Variants in TAFA2 observed in about 807,000 individuals in gnomAD.
TAFA2 encodes TAFA chemokine like family member 2, also known as chemokine-like protein TAFA-2.
A neutral mutation model predicts 18.8 loss-of-function variants in TAFA2; 7 were observed. The ratio of observed to expected loss-of-function variants is 0.37; its 90% CI spans 0.21 to 0.70. The LOEUF (loss-of-function observed/expected upper bound fraction) is 0.70. Ranked by LOEUF, TAFA2 falls within the 30% of genes least tolerant of loss-of-function variation. The pLI, the probability that TAFA2 is intolerant of heterozygous loss-of-function variation, is 0.53. For missense variants in TAFA2, 122 were observed against 158.1 expected, an observed-to-expected ratio of 0.77 and a Z score of 1.23; for synonymous variants, 60 against 54.2, an observed-to-expected ratio of 1.11 and a Z score of -0.47.
intron 2 of TAFA2, among the ~76,000 whole-genome samples, chr12:61,823,803 T>G (rs1872421231): frequency 6.6e-6 from 1 of 152,084 alleles, no homozygotes; most frequent in South Asian, 2.1e-4. Flanking sequence ...GCCCATAGAA[T>G]AATACTCACA....
intron 2 of TAFA2, among the ~76,000 whole-genome samples, chr12:61,853,112 T>G (rs1873745939): frequency 6.6e-6 from 1 of 152,196 alleles, no homozygotes; most frequent in Admixed American, 6.5e-5. Flanking sequence ...CTTGTGGTAA[T>G]CATTTCATAA....
intron 1 of TAFA2, among the ~76,000 whole-genome samples, chr12:61,914,660 C>A (rs113514525): frequency 0.03 from 4,519 of 152,194 alleles, 239 homozygotes; most frequent in African/African-American, 0.1. Flanking sequence ...CCTGACATTA[C>A]GTCCTCAAAA....
At chr12:61,873,381 A>C (rs1216487260) in intron 1 of TAFA2, among the ~76,000 whole-genome samples, 1 of 152,034 alleles carries the variant, frequency 6.6e-6, no homozygotes, top group African/African-American at 2.4e-5. Flanking sequence ...TACATGTGCC[A>C]TGCTGGTGTG....
chr12:61,739,345 G>T (rs1868361368), intron 4 of TAFA2, among the ~76,000 whole-genome samples: 1 of 151,926 alleles, frequency 6.6e-6, no homozygotes, highest in Non-Finnish European at 1.5e-5. Context: ...AAAATTACCT[G>T]ATACACCTTG....
At chr12:62,133,552 C>T (rs1235088532) in intron 1 of TAFA2, among the ~76,000 whole-genome samples, 1 of 152,024 alleles carries the variant, frequency 6.6e-6, no homozygotes, top group Non-Finnish European at 1.5e-5. Context: ...ACCTTATCTC[C>T]ATTATGTGAG....
chr12:61,938,984 G>A (rs1877887489), intron 1 of TAFA2, among the ~76,000 whole-genome samples: 1 of 151,636 alleles, frequency 6.6e-6, no homozygotes, highest in South Asian at 2.1e-4. Context: ...CAGGTGGCGG[G>A]TGCACCAAAA....
intron 1 of TAFA2, among the ~76,000 whole-genome samples, chr12:62,135,246 T>C (rs1870849129): frequency 6.6e-6 from 1 of 152,032 alleles, no homozygotes; most frequent in African/African-American, 2.4e-5. Flanking sequence ...GTCAACAACA[T>C]CCTATTGCAA....
At chr12:62,221,202 G>C (rs1339128881) in intron 1 of TAFA2, among the ~76,000 whole-genome samples, 1 of 121,004 alleles carries the variant, frequency 8.3e-6, no homozygotes, top group African/African-American at 3.3e-5. Context: ...AGGAAGGAGG[G>C]AAGGAAGGAA....
chr12:62,026,884 C>T (rs1265463104), intron 1 of TAFA2, among the ~76,000 whole-genome samples: 2 of 152,084 alleles, frequency 1.3e-5, no homozygotes, highest in Admixed American at 1.3e-4. Flanking sequence ...TGAGATAAAT[C>T]AGAACACAGC....
chr12:62,209,742 A>C (rs1171754099), intron 1 of TAFA2, among the ~76,000 whole-genome samples: 1 of 152,248 alleles, frequency 6.6e-6, no homozygotes, highest in Non-Finnish European at 1.5e-5. Flanking sequence ...AACTAAACTA[A>C]GTAGAGGACG....
chr12:62,220,794 G>T (rs1296327718), intron 1 of TAFA2, among the ~76,000 whole-genome samples: 1 of 152,052 alleles, frequency 6.6e-6, no homozygotes, highest in African/African-American at 2.4e-5. Context: ...AAAGAACAAA[G>T]GAAGGAAGAG....
intron 4 of TAFA2, among the ~76,000 whole-genome samples, chr12:61,742,507 G>T (rs1229442096): frequency 1.3e-5 from 2 of 152,014 alleles, no homozygotes; most frequent in African/African-American, 4.8e-5. Context: ...TTGGTTTTCT[G>T]TCTATTTCTC....
chr12:61,973,438 T>C (rs1879323934), intron 1 of TAFA2, among the ~76,000 whole-genome samples: 1 of 151,366 alleles, frequency 6.6e-6, no homozygotes, highest in East Asian at 2.0e-4. Context: ...ACTTAGTTTA[T>C]TTAGTTCTTA....
intron 1 of TAFA2, among the ~76,000 whole-genome samples, chr12:62,244,555 C>A (rs1428747661): frequency 1.3e-5 from 2 of 152,154 alleles, no homozygotes; most frequent in Non-Finnish European, 2.9e-5. Context: ...ATGTTTCCTT[C>A]TGGATATCTG....
intron 1 of TAFA2, among the ~76,000 whole-genome samples, chr12:61,906,121 G>A (rs1260704914): frequency 6.6e-6 from 1 of 152,078 alleles, no homozygotes; most frequent in Non-Finnish European, 1.5e-5. Context: ...AAATACAAAA[G>A]AGCCACATGT....
intron 4 of TAFA2, among the ~76,000 whole-genome samples, chr12:61,748,148 G>A (rs1314481879): frequency 1.3e-5 from 2 of 151,932 alleles, no homozygotes; most frequent in Non-Finnish European, 2.9e-5. Context: ...AAGGAGGAAG[G>A]GAGGGAGGGA....
intron 1 of TAFA2, among the ~76,000 whole-genome samples, chr12:61,973,559 A>C (rs1028295920): frequency 1.3e-5 from 2 of 151,624 alleles, no homozygotes; most frequent in African/African-American, 4.8e-5. Context: ...AAAAATTTCA[A>C]ATCCCAAGCT....
At chr12:61,898,212 T>C (rs994870047) in intron 1 of TAFA2, among the ~76,000 whole-genome samples, 6 of 152,218 alleles carry the variant, frequency 3.9e-5, no homozygotes, top group African/African-American at 1.4e-4. Flanking sequence ...CCCCAGCTGC[T>C]TTCACAGCTG....
chr12:61,803,462 T>C (rs1400818795), intron 2 of TAFA2, among the ~76,000 whole-genome samples: 1 of 151,958 alleles, frequency 6.6e-6, no homozygotes, highest in Admixed American at 6.6e-5. Flanking sequence ...TAAGCACTGA[T>C]GCTCTATTCC....
Sources: gnomAD v4.1 joint callset for allele counts (sites outside exome capture counted in the v4.1 genomes callset) on GRCh38, gnomAD v4.1.1 for gene constraint, MANE v1.5 for transcripts, NCBI Gene and HGNC (gene_info 2026-07-23, HGNC 2026-07-21) for gene names.